Variants in PARP12 observed in about 807,000 individuals in gnomAD.
The protein encoded by PARP12 is protein mono-ADP-ribosyltransferase PARP12.
A neutral mutation model predicts 72.4 loss-of-function variants in PARP12; 59 were observed. That is an observed-to-expected ratio of 0.81 (90% confidence interval 0.66 to 1.01). The LOEUF is 1.01. Ranked by LOEUF, PARP12 falls within the 50% of genes least tolerant of loss-of-function variation. The probability of loss-of-function intolerance (pLI) is 0.00; values close to 1 mark genes in which losing one functional copy is unlikely to be tolerated. For missense variants in PARP12, 851 were observed against 914.0 expected, an observed-to-expected ratio of 0.93 and a Z score of 0.89; for synonymous variants, 403 against 371.4, an observed-to-expected ratio of 1.09 and a Z score of -0.98.
At position 140,062,716 on chromosome 7, in the gene PARP12, C is replaced by T; in HGVS notation, c.132G>A (p.Arg44=). 7.4e-7 allele frequency: 1 copy of T among 1,347,746 alleles called. No homozygotes were observed. The highest frequency in any genetic ancestry group is 1.6e-5 in the South Asian group (1 of 61,774). 83.5% of individuals were successfully genotyped at this position (1,347,746 alleles called of 1,614,324 possible). A position where few individuals can be genotyped will look rare whatever the true frequency, so the allele number is the denominator to read the frequency against. The change falls in exon 1 of 12, where the codon CGG becomes CGA. Residue 44 remains arginine (R), a synonymous_variant. Transcript: ENST00000263549. ...LSADALERLL[R]QRGRFVVAVR... is the part of the protein sequence containing the mutation. ...CCGCCACCACGAAGCGCCCACGCTG[C>T]CGCAGCAGCCGCTCCAGCGCGTCGG...
intron 1 of PARP12, among the ~76,000 whole-genome samples, chr7:140,060,077 T>C (rs1817378138): frequency 6.6e-6 from 1 of 152,208 alleles, no homozygotes; most frequent in Non-Finnish European, 1.5e-5. Flanking sequence ...CTGCCAAATA[T>C]CGGGGATTGC....
At chr7:140,041,598 A>G (rs1454702994) in intron 6 of PARP12, 46 bp downstream of exon 6, 1 of 1,566,304 alleles carries the variant, frequency 6.4e-7, no homozygotes, top group East Asian at 2.3e-5. Context: ...CTCCTCTCTT[A>G]CAGATCCTCA....
At chr7:140,061,891 T>G (rs1416054097) in intron 1 of PARP12, among the ~76,000 whole-genome samples, 1 of 148,776 alleles carries the variant, frequency 6.7e-6, no homozygotes, top group Non-Finnish European at 1.5e-5. Flanking sequence ...GGTTGAGGCC[T>G]GAAGGATTAA....
chr7:140,059,855 G>A (rs1253046544), intron 1 of PARP12, among the ~76,000 whole-genome samples: 1 of 152,214 alleles, frequency 6.6e-6, no homozygotes, highest in Non-Finnish European at 1.5e-5. Context: ...AGTCAGGGCT[G>A]GGAGAGAACT....
intron 4 of PARP12, 134 bp from the exon 5 acceptor site, chr7:140,047,141 A>G: frequency 9.9e-7 from 1 of 1,008,656 alleles, no homozygotes; most frequent in Non-Finnish European, 1.4e-6. Context: ...CTGTTTTTTC[A>G]GTGCCGGCAT....
In PARP12 at chr7:140,027,410, C is replaced by T; in HGVS notation, c.1498-4G>A. The T allele has an allele frequency of 3.7e-6, 6 of 1,613,522 alleles. No individual in the cohort carries two copies. The highest frequency in any genetic ancestry group is 1.3e-5 in the African/African-American group (1 of 75,028). ...AGGAAGAACTAAGGGTGATCTTCTGCAAGGGGCAAATGTTTTTAATGCATT... is the reference window on the plus strand; with the variant it reads ...AGGAAGAACTAAGGGTGATCTTCTGTAAGGGGCAAATGTTTTTAATGCATT... On this transcript the variant is annotated splice_polypyrimidine_tract_variant and splice_region_variant and intron_variant, in intron 9 of 11. Coordinates refer to ENST00000263549, the MANE Select transcript of PARP12 (RefSeq NM_022750.4).
intron 6 of PARP12, chr7:140,038,290 T>C (rs1238976687): frequency 2.0e-6 from 2 of 985,316 alleles, no homozygotes; most frequent in African/African-American, 3.5e-5. Flanking sequence ...TCCTCTTCCT[T>C]GCGGTTTTCT....
At chr7:140,042,028 G>T (rs1429272670) in intron 5 of PARP12, among the ~76,000 whole-genome samples, 189 bp from the exon 6 acceptor site, 1 of 152,174 alleles carries the variant, frequency 6.6e-6, no homozygotes, top group Non-Finnish European at 1.5e-5. Flanking sequence ...TCAAAATCAA[G>T]ATAATGTGGG....
intron 5 of PARP12, among the ~76,000 whole-genome samples, chr7:140,042,531 T>C (rs1816523575): frequency 6.6e-6 from 1 of 152,220 alleles, no homozygotes; most frequent in Non-Finnish European, 1.5e-5. Flanking sequence ...ACAGAGAGCC[T>C]GGGCTTTGGC....
Position 140,062,614 on chromosome 7 carries a change from G to A in PARP12, c.234C>T (p.His78=). 1 of 1,506,626 alleles carries A rather than the reference G, an allele frequency of 6.6e-7. No individual in the cohort carries two copies. The allele number at this position is 1,506,626 out of a possible 1,614,324, so 93.3% of individuals were successfully genotyped here. A position where few individuals can be genotyped will look rare whatever the true frequency, so the allele number is the denominator to read the frequency against. ...AASPLRLCRA[H]QGSKPGCVGL... ...CCACGCAGCCCGGCTTGGAGCCCTG[G>A]TGCGCGCGACACAGGCGCAGCGGCG... is the stretch of plus-strand genomic sequence containing the variant. Residue 78 remains histidine (H), a synonymous_variant, in exon 1 of 12, where the codon CAC becomes CAT. Transcript: ENST00000263549.
At chr7:140,030,922 A>G (rs1019471170) in intron 8 of PARP12, among the ~76,000 whole-genome samples, 1 of 152,222 alleles carries the variant, frequency 6.6e-6, no homozygotes, top group Non-Finnish European at 1.5e-5. Context: ...GGTAATCTGA[A>G]AGGACAAAGT....
At chr7:140,045,401 C>T (rs532458313) in intron 5 of PARP12, among the ~76,000 whole-genome samples, 1 of 152,246 alleles carries the variant, frequency 6.6e-6, no homozygotes, top group African/African-American at 2.4e-5. Context: ...CTCAAAATAA[C>T]CTTGTGACGT....
intron 1 of PARP12, 66 bp downstream of exon 1, chr7:140,062,456 C>A: frequency 7.0e-7 from 1 of 1,436,710 alleles, no homozygotes; most frequent in Non-Finnish European, 9.2e-7. Context: ...GACCCCCAAG[C>A]GGGCTGGAAG....
At chr7:140,050,322 G>A (rs1161019480) in intron 4 of PARP12, among the ~76,000 whole-genome samples, 1 of 152,198 alleles carries the variant, frequency 6.6e-6, no homozygotes, top group Admixed American at 6.5e-5. Context: ...TAACTTGCTT[G>A]TGTGAAGGAA....
chr7:140,062,760 A>T lies in PARP12; in HGVS notation c.88T>A (p.Leu30Met). 7.2e-7 allele frequency: 1 copy of T among 1,388,264 alleles called. No homozygotes were observed. The highest frequency in any genetic ancestry group is 1.5e-5 in the South Asian group (1 of 68,624). 86.0% of individuals were successfully genotyped at this position (1,388,264 alleles called of 1,614,324 possible). A position where few individuals can be genotyped will look rare whatever the true frequency, so the allele number is the denominator to read the frequency against. ...ALELPELRRR[L>M]RMGLSADALE... ...GCGTCGGCGCTCAAGCCCATCCGCA[A>T]GCGGCGCCGCAGCTCGGGCAACTCC... Residue 30 changes from leucine (L) to methionine (M), a missense_variant, in exon 1 of 12, where the codon TTG (leucine) becomes ATG (methionine). Physicochemically the swap from Leu to Met is conservative, Grantham distance 15. Around this residue, in one of 3 missense-constraint regions of PARP12, gnomAD observed 492 missense variants for 489.3 expected, o/e 1.01. Transcript: ENST00000263549.
chr7:140,041,938 A>G, intron 5 of PARP12, 99 bp from the exon 6 acceptor site: 1 of 1,026,398 alleles, frequency 9.7e-7, no homozygotes. Flanking sequence ...CGAATAGTAA[A>G]TGTGGCATGC....
intron 5 of PARP12, among the ~76,000 whole-genome samples, chr7:140,043,639 T>C (rs747831813): frequency 5.9e-5 from 9 of 152,146 alleles, no homozygotes; most frequent in Non-Finnish European, 1.3e-4. Flanking sequence ...GCGATTCTCC[T>C]GTCTCACCCT....
intron 1 of PARP12, among the ~76,000 whole-genome samples, chr7:140,059,280 A>G (rs1426511356): frequency 1.3e-5 from 2 of 152,158 alleles, no homozygotes; most frequent in Non-Finnish European, 2.9e-5. Context: ...GTCAGTCGGT[A>G]AGCAGTTAGC....
At chr7:140,031,794 G>C (rs966064332) in intron 8 of PARP12, among the ~76,000 whole-genome samples, 1 of 152,168 alleles carries the variant, frequency 6.6e-6, no homozygotes, top group Admixed American at 6.6e-5. Context: ...TCTAGGGTAG[G>C]CTTTGTATAG....
Sources: gnomAD v4.1 joint callset for allele counts (sites outside exome capture counted in the v4.1 genomes callset) on GRCh38, gnomAD v4.1.1 for gene constraint, gnomAD v4.1.1 regional missense constraint, MANE v1.5 for transcripts, NCBI Gene and HGNC (gene_info 2026-07-23, HGNC 2026-07-21) for gene names.